The following CPED1 variants were observed in gnomAD, a reference collection of about 807,000 sequenced individuals.
CPED1 encodes cadherin like and PC-esterase domain containing 1.
A neutral mutation model predicts 128.2 loss-of-function variants in CPED1; 114 were observed. That is an observed-to-expected ratio of 0.89 (90% CI 0.76 to 1.04). The LOEUF is 1.04. Among genes scored for constraint, CPED1 ranks in the 50% least tolerant of loss-of-function variants. The pLI, the probability that CPED1 is intolerant of heterozygous loss-of-function variation, is 0.00. For synonymous variants in CPED1, 462 were observed against 426.7 expected, an observed-to-expected ratio of 1.08 and a Z score of -1.02; for missense variants, 1,211 against 1,207.1, an observed-to-expected ratio of 1.00 and a Z score of -0.05.
intron 18 of CPED1, among the ~76,000 whole-genome samples, chr7:121,265,447 A>G (rs1792103722): frequency 6.6e-6 from 1 of 152,122 alleles, no homozygotes; most frequent in Non-Finnish European, 1.5e-5. Flanking sequence ...TAAAAACAGT[A>G]TATGTGAGAG....
chr7:121,113,682 C>T (rs1192891024), intron 7 of CPED1, among the ~76,000 whole-genome samples: 2 of 151,958 alleles, frequency 1.3e-5, no homozygotes, highest in Non-Finnish European at 2.9e-5. Flanking sequence ...GAGAAAGAGA[C>T]ACAGGATTTG....
At chr7:121,036,650 T>C (rs1312043528) in intron 3 of CPED1, among the ~76,000 whole-genome samples, 2 of 152,102 alleles carry the variant, frequency 1.3e-5, no homozygotes, top group African/African-American at 4.8e-5. Flanking sequence ...CATGGGTAGA[T>C]ACCTAGTAGT....
At chr7:121,094,849 G>A (rs1794661762) in intron 5 of CPED1, among the ~76,000 whole-genome samples, 1 of 152,084 alleles carries the variant, frequency 6.6e-6, no homozygotes, top group Non-Finnish European at 1.5e-5. Context: ...CTAACAAATT[G>A]TTCACTTTTA....
chr7:121,269,121 T>A (rs1413184968), intron 21 of CPED1, among the ~76,000 whole-genome samples: 1 of 152,010 alleles, frequency 6.6e-6, no homozygotes, highest in African/African-American at 2.4e-5. Context: ...GTAGCAAGCG[T>A]AGTATCTAAT....
At chr7:121,245,269 C>T (rs7795660) in intron 18 of CPED1, among the ~76,000 whole-genome samples, 44,698 of 151,958 alleles carry the variant, frequency 0.29, 6,995 homozygotes, top group Middle Eastern at 0.43. Context: ...ATAAATGTTC[C>T]AATTTTCATG....
intron 4 of CPED1, among the ~76,000 whole-genome samples, chr7:121,058,491 G>A (rs1049024392): frequency 6.6e-6 from 1 of 152,112 alleles, no homozygotes; most frequent in Non-Finnish European, 1.5e-5. Flanking sequence ...CTTACTGCTT[G>A]CCAGGCACCA....
At chr7:121,291,296 G>A (rs1318426963) in intron 22 of CPED1, among the ~76,000 whole-genome samples, 1 of 152,088 alleles carries the variant, frequency 6.6e-6, no homozygotes, top group Non-Finnish European at 1.5e-5. Context: ...GCTTCTTTTG[G>A]TTTCATATGA....
At chr7:121,203,520 C>A (rs762366633) in intron 16 of CPED1, among the ~76,000 whole-genome samples, 84 of 152,070 alleles carry the variant, frequency 5.5e-4, no homozygotes, top group Non-Finnish European at 1.1e-3. Flanking sequence ...CACTCTATAC[C>A]ATCTCAAAGG....
intron 16 of CPED1, among the ~76,000 whole-genome samples, chr7:121,230,324 A>G (rs1798108110): frequency 6.6e-6 from 1 of 152,060 alleles, no homozygotes; most frequent in African/African-American, 2.4e-5. Flanking sequence ...TTGGGCACCG[A>G]ATCTTCCAAG....
intron 16 of CPED1, among the ~76,000 whole-genome samples, chr7:121,229,015 G>A (rs1244284938): frequency 6.6e-6 from 1 of 151,786 alleles, no homozygotes; most frequent in African/African-American, 2.4e-5. Flanking sequence ...GAAGACAAGT[G>A]GGTTAAAGGG....
chr7:121,139,041 TCTA>T (rs1347996444), intron 14 of CPED1, among the ~76,000 whole-genome samples: 1 of 152,092 alleles, frequency 6.6e-6, no homozygotes, highest in Non-Finnish European at 1.5e-5. Context: ...CAGAATGACT[TCTA>T]ATAAAAACAA....
rs554812019 is a variant in CPED1, at chr7:121,054,435, C to G, written c.540+7442C>G. On this transcript the variant is annotated intron_variant, in intron 4 of 22. Transcript: ENST00000310396. Reference sequence around the variant, plus strand: ...TAATTTCAGAATTGTTAACCTATACCCCTGTGAGAAACAAATTTACTAATA... The same window carrying G: ...TAATTTCAGAATTGTTAACCTATACGCCTGTGAGAAACAAATTTACTAATA... Among the ~76,000 whole-genome samples, 25 of 152,168 alleles carry G rather than the reference C, an allele frequency of 1.6e-4. No homozygotes were observed. In the South Asian group the frequency reaches 5.2e-3, roughly 32 times the overall value.
chr7:121,112,895 A>G (rs367638236), intron 7 of CPED1, among the ~76,000 whole-genome samples: 273 of 152,322 alleles, frequency 1.8e-3, no homozygotes, highest in Middle Eastern at 0.014. Flanking sequence ...GTTTGGCAGG[A>G]TGTAATTTAA....
At chr7:121,134,111 G>T (rs1795735060) in intron 13 of CPED1, among the ~76,000 whole-genome samples, 1 of 152,012 alleles carries the variant, frequency 6.6e-6, no homozygotes, top group Non-Finnish European at 1.5e-5. Context: ...AACTCCGTAT[G>T]TTGAAGAGAT....
intron 7 of CPED1, among the ~76,000 whole-genome samples, chr7:121,118,088 C>G (rs1346571526): frequency 6.6e-6 from 1 of 152,062 alleles, no homozygotes; most frequent in Non-Finnish European, 1.5e-5. Flanking sequence ...TTAACATATA[C>G]CTTGGAGGGA....
chr7:121,273,801 A>G (rs895469492), intron 22 of CPED1, among the ~76,000 whole-genome samples: 1 of 152,158 alleles, frequency 6.6e-6, no homozygotes, highest in Non-Finnish European at 1.5e-5. Context: ...TTCCACAAGA[A>G]AATATACAAC....
At chr7:121,029,897 T>A (rs554628025) in intron 3 of CPED1, among the ~76,000 whole-genome samples, 2 of 151,902 alleles carry the variant, frequency 1.3e-5, no homozygotes, top group East Asian at 3.9e-4. Flanking sequence ...ATCTGTCTAA[T>A]TTTTTTTGGC....
At chr7:121,162,429 C>G (rs549923078) in intron 16 of CPED1, among the ~76,000 whole-genome samples, 1 of 152,262 alleles carries the variant, frequency 6.6e-6, no homozygotes, top group South Asian at 2.1e-4. Context: ...TCAGATTCCG[C>G]ACAGAGAACA....
At chr7:121,186,546 T>C (rs937214400) in intron 16 of CPED1, among the ~76,000 whole-genome samples, 1 of 152,058 alleles carries the variant, frequency 6.6e-6, no homozygotes, top group Non-Finnish European at 1.5e-5. Context: ...TTCCAACACA[T>C]AGGGCACTAT....
Sources: allele counts gnomAD v4.1 joint callset (sites outside exome capture counted in the v4.1 genomes callset), GRCh38; gene constraint gnomAD v4.1.1; transcripts MANE v1.5; gene names NCBI Gene and HGNC (gene_info 2026-07-23, HGNC 2026-07-21).